Variants in NR4A1 observed in about 807,000 individuals in gnomAD.
The protein encoded by NR4A1 is nuclear receptor subfamily 4immunitygroup A member 1.
A neutral mutation model predicts 47.5 loss-of-function variants in NR4A1; 24 were observed. The ratio of observed to expected loss-of-function variants is 0.50; its 90% CI spans 0.37 to 0.71. The LOEUF (loss-of-function observed/expected upper bound fraction) is 0.71. Among genes scored for constraint, NR4A1 ranks in the 30% least tolerant of loss-of-function variants. NR4A1 has a pLI of 0.00. For missense variants in NR4A1, 669 were observed against 788.6 expected (o/e 0.85, Z 1.82); for synonymous variants, 353 against 345.7 (o/e 1.02, Z -0.24).
At position 52,056,291 on chromosome 12, in the gene NR4A1, C is replaced by T. The variant is rs1436524983; in HGVS notation, c.1006+132C>T. The T allele has an allele frequency of 2.8e-6, 4 of 1,429,618 alleles. No individual in the cohort carries two copies. In the East Asian group the frequency reaches 7.2e-5, roughly 26 times the overall value. 88.6% of individuals were successfully genotyped at this position (1,429,618 alleles called of 1,614,324 possible). On this transcript the variant is annotated intron_variant, in intron 3 of 6. Coordinates refer to ENST00000394825, the MANE Select transcript of NR4A1 (RefSeq NM_173157.3). The stretch of plus-strand genomic sequence containing the variant: ...TTATTTCCACCCCACCTCTGAACCC[C>T]AGGCCTTGGAGGGAGGCAGCCTACA...
chr12:52,055,853 C>CT (rs1939232946), intron 2 of NR4A1, 177 bp from the exon 3 acceptor site: 1 of 465,252 alleles, frequency 2.1e-6, no homozygotes, highest in Non-Finnish European at 3.8e-6. Context: ...AGACTTTTCT[C>CT]TCCCCCCGCC....
chr12:52,041,033 C>T (rs1215023033), intron 1 of NR4A1, among the ~76,000 whole-genome samples: 1 of 152,046 alleles, frequency 6.6e-6, no homozygotes, highest in Non-Finnish European at 1.5e-5. Flanking sequence ...TGGCTTCCAC[C>T]CTGGAAGGAG....
chr12:52,033,694 C>A (rs556606002), intron 1 of NR4A1, among the ~76,000 whole-genome samples: 1 of 152,222 alleles, frequency 6.6e-6, no homozygotes, highest in African/African-American at 2.4e-5. Context: ...AGCCCCTGAG[C>A]CCTGAGACAG....
chr12:52,027,860 A>G (rs953594843), intron 1 of NR4A1, among the ~76,000 whole-genome samples: 5 of 152,126 alleles, frequency 3.3e-5, no homozygotes, highest in African/African-American at 1.2e-4. Flanking sequence ...TAGGCTCAGG[A>G]GTGTAGGAGG....
chr12:52,037,528 C>T, intron 1 of NR4A1: 1 of 974,004 alleles, frequency 1.0e-6, no homozygotes. Context: ...TGGGCGGGCT[C>T]GGGGCCACGC....
upstream of NR4A1, among the ~76,000 whole-genome samples, chr12:52,047,226 G>A (rs183226135): frequency 3.3e-5 from 5 of 152,292 alleles, no homozygotes; most frequent in Admixed American, 3.3e-4. Context: ...GTTAGACTTG[G>A]AGGGGTGTGT....
At chr12:52,048,102 C>A (rs147757179), upstream of NR4A1, among the ~76,000 whole-genome samples, 1 of 150,916 alleles carries the variant, frequency 6.6e-6, no homozygotes, top group Non-Finnish European at 1.5e-5. Context: ...TGCAGTGAGC[C>A]GAGATCGCAC....
upstream of NR4A1, among the ~76,000 whole-genome samples, chr12:52,048,033 C>T (rs906423848): frequency 4.7e-5 from 7 of 150,062 alleles, no homozygotes; most frequent in East Asian, 9.9e-4. Flanking sequence ...AGGCACCTGT[C>T]GTCCCAGCTA....
intron 1 of NR4A1, among the ~76,000 whole-genome samples, chr12:52,040,859 T>C (rs1354600935): frequency 2.6e-5 from 4 of 152,116 alleles, no homozygotes; most frequent in Non-Finnish European, 5.9e-5. Flanking sequence ...GGCAGTCCAA[T>C]AGCCAGTGAA....
At position 52,056,534 on chromosome 12, in the gene NR4A1, A is replaced by G; in HGVS notation, c.1047A>G (p.Leu349=). 1.2e-6 allele frequency: 2 copies of G among 1,613,184 alleles called. No homozygotes were observed. The highest frequency in any genetic ancestry group is 1.7e-6 in the Non-Finnish European group (2 of 1,179,688). Residue 349 remains leucine (L), a synonymous_variant, in exon 4 of 7, where the codon CTA becomes CTG. Coordinates refer to ENST00000394825, the MANE Select transcript of NR4A1 (RefSeq NM_173157.3). ...GCCTGAAGGGGCGGCGGGGCCGGCT[A>G]CCTTCAAAACCCAAGCAGCCCCCAG... ...TDSLKGRRGR[L]PSKPKQPPDA...
chr12:52,040,684 C>T (rs182774514), intron 1 of NR4A1, among the ~76,000 whole-genome samples: 1 of 152,250 alleles, frequency 6.6e-6, no homozygotes, highest in East Asian at 1.9e-4. Flanking sequence ...AAGGGGAGAG[C>T]CTGGGTACTG....
At chr12:52,051,435 G>C (rs1382320990), upstream of NR4A1, 1 of 985,494 alleles carries the variant, frequency 1.0e-6, no homozygotes, top group South Asian at 4.7e-5. Flanking sequence ...GTCGGGCTCG[G>C]CCGGGGAGTC....
chr12:52,037,578 TG>T, intron 1 of NR4A1: 1 of 980,006 alleles, frequency 1.0e-6, no homozygotes, highest in Non-Finnish European at 1.2e-6. Context: ...GGGGGGGGAC[TG>T]GATTCCCAGC....
chr12:52,056,249 C>G (rs866871435), intron 3 of NR4A1, 90 bp downstream of exon 3: 2 of 1,494,822 alleles, frequency 1.3e-6, no homozygotes, highest in East Asian at 2.4e-5. Flanking sequence ...CCTGGAGGAC[C>G]CAGAGGAGGG....
intron 1 of NR4A1, chr12:52,038,739 T>G (rs769072171): frequency 3.0e-5 from 23 of 764,692 alleles, no homozygotes. Context: ...AAATCAAGAT[T>G]CTAATTGAAG....
intron 1 of NR4A1, among the ~76,000 whole-genome samples, chr12:52,039,668 G>T (rs1376783946): frequency 1.3e-5 from 2 of 152,238 alleles, no homozygotes; most frequent in East Asian, 3.8e-4. Context: ...GCTGAGCAGG[G>T]TTTAGAGACT....
At chr12:52,043,377 C>T (rs1196871751) in intron 2 of NR4A1, 1 of 196,468 alleles carries the variant, frequency 5.1e-6, no homozygotes, top group Non-Finnish European at 1.1e-5. Flanking sequence ...CCCTGGTGGG[C>T]AGAATTCCTT....
chr12:52,050,252 C>T (rs1273224200), upstream of NR4A1, among the ~76,000 whole-genome samples: 1 of 152,164 alleles, frequency 6.6e-6, no homozygotes, highest in Non-Finnish European at 1.5e-5. Flanking sequence ...GTTCCTCACT[C>T]CACCGGGCAG....
At chr12:52,055,648 C>T (rs774131614) in intron 2 of NR4A1, 10 of 380,970 alleles carry the variant, frequency 2.6e-5, no homozygotes, top group Non-Finnish European at 4.2e-5. Context: ...TGTGTTTGTC[C>T]CAGCGATGGT....
Sources: gnomAD v4.1 joint callset for allele counts (sites outside exome capture counted in the v4.1 genomes callset) on GRCh38, gnomAD v4.1.1 for gene constraint, MANE v1.5 for transcripts, NCBI Gene and HGNC (gene_info 2026-07-23, HGNC 2026-07-21) for gene names.